Variants in CRPPA observed in about 807,000 individuals in gnomAD.
CRPPA encodes D-ribitol-5-phosphate cytidylyltransferase.
CRPPA carries 43 observed loss-of-function variants against 52.0 expected under a neutral mutation model. The observed-to-expected ratio is 0.83, with a 90% CI of 0.65 to 1.07. CRPPA has a LOEUF of 1.07. Among genes scored for constraint, CRPPA ranks in the 50% least tolerant of loss-of-function variants. CRPPA has a pLI of 0.00. For synonymous variants in CRPPA, 250 were observed against 203.5 expected (o/e 1.23, Z -1.94); for missense variants, 629 against 551.7 (o/e 1.14, Z -1.40).
chr7:16,392,191 C>T (rs1787463269), intron 2 of CRPPA, among the ~76,000 whole-genome samples: 1 of 151,996 alleles, frequency 6.6e-6, no homozygotes, highest in Admixed American at 6.6e-5. Context: ...TGAGGAAAGC[C>T]CCCACATGTC....
intron 3 of CRPPA, among the ~76,000 whole-genome samples, chr7:16,319,367 C>A (rs571311352): frequency 1.3e-5 from 2 of 152,204 alleles, no homozygotes; most frequent in African/African-American, 4.8e-5. Flanking sequence ...CTCTGCCAGT[C>A]ATTCAGCCAT....
At chr7:16,209,003 C>G in intron 9 of CRPPA, 1 of 424,322 alleles carries the variant, frequency 2.4e-6, no homozygotes, top group Non-Finnish European at 4.7e-6. Flanking sequence ...AAGCACCAAC[C>G]CCATGAAGTG....
At chr7:16,328,685 T>C (rs141936448) in intron 3 of CRPPA, among the ~76,000 whole-genome samples, 430 of 152,214 alleles carry the variant, frequency 2.8e-3, no homozygotes, top group Non-Finnish European at 4.6e-3. Context: ...CGGTTAATTT[T>C]TGTATTTTTA....
chr7:16,266,818 A>G (rs1783968242), intron 6 of CRPPA, among the ~76,000 whole-genome samples: 1 of 152,152 alleles, frequency 6.6e-6, no homozygotes, highest in Admixed American at 6.6e-5. Flanking sequence ...GTATCAACAC[A>G]AATTGTAAAG....
At chr7:16,341,076 G>A (rs2128305926) in intron 3 of CRPPA, among the ~76,000 whole-genome samples, 1 of 152,202 alleles carries the variant, frequency 6.6e-6, no homozygotes, top group Admixed American at 6.5e-5. Flanking sequence ...ATCATCAGGG[G>A]TTGTTAGATG....
chr7:16,336,475 A>G (rs78458953), intron 3 of CRPPA, among the ~76,000 whole-genome samples: 3,493 of 152,006 alleles, frequency 0.023, 125 homozygotes, highest in African/African-American at 0.079. Flanking sequence ...AGCCAAACCT[A>G]TATTATAGCT....
chr7:16,399,568 T>C (rs1324423371), intron 2 of CRPPA, among the ~76,000 whole-genome samples: 8 of 150,986 alleles, frequency 5.3e-5, no homozygotes, highest in Non-Finnish European at 7.4e-5. Context: ...CATGACACGT[T>C]TGTGACATGT....
intron 2 of CRPPA, among the ~76,000 whole-genome samples, chr7:16,393,337 C>A (rs994093163): frequency 1.3e-5 from 2 of 152,058 alleles, no homozygotes; most frequent in African/African-American, 4.8e-5. Context: ...CTTGATCTAG[C>A]AGTATGAAAA....
At chr7:16,184,852 G>A (rs779347872) in intron 9 of CRPPA, among the ~76,000 whole-genome samples, 5 of 151,944 alleles carry the variant, frequency 3.3e-5, no homozygotes, top group South Asian at 2.1e-4. Context: ...TCTCATAATC[G>A]TCGTTAGTGA....
intron 9 of CRPPA, among the ~76,000 whole-genome samples, chr7:16,181,231 T>C (rs1490098157): frequency 6.6e-6 from 1 of 152,074 alleles, no homozygotes; most frequent in South Asian, 2.1e-4. Context: ...AATGTAATTA[T>C]TTTAAGAAAA....
At chr7:16,304,737 G>A (rs1196156295) in intron 4 of CRPPA, among the ~76,000 whole-genome samples, 2 of 152,104 alleles carry the variant, frequency 1.3e-5, no homozygotes, top group Non-Finnish European at 2.9e-5. Flanking sequence ...CTAGTACTAC[G>A]TGCAGTCCTC....
intron 5 of CRPPA, among the ~76,000 whole-genome samples, chr7:16,281,685 G>T (rs764854801): frequency 6.6e-6 from 1 of 152,112 alleles, no homozygotes; most frequent in Non-Finnish European, 1.5e-5. Context: ...GTCTTCTTTT[G>T]AGTGGTTTTG....
rs11972129 is a variant in CRPPA at position 16,150,918 on chromosome 7, G to A, written c.1252-59119C>T. Among the ~76,000 whole-genome samples, 822 of 152,212 alleles carry A rather than the reference G, an allele frequency of 5.4e-3. 14 individuals are homozygous for A. Among genetic ancestry groups the A allele is most frequent in the African/African-American group, 0.019 (799 of 41,524 alleles). ...TGATAATAAACCCTCTCTGGCAAAT[G>A]GCATTAATCCATTCATAAGGGTAGC... On this transcript the variant is annotated intron_variant, in intron 9 of 9. Transcript: ENST00000407010.
At chr7:16,120,440 A>G (rs1026744522) in intron 9 of CRPPA, among the ~76,000 whole-genome samples, 1 of 152,200 alleles carries the variant, frequency 6.6e-6, no homozygotes. Context: ...ACTGTAAAAC[A>G]TTAAATCCCA....
intron 4 of CRPPA, among the ~76,000 whole-genome samples, chr7:16,303,744 A>C (rs1039360569): frequency 6.6e-6 from 1 of 152,176 alleles, no homozygotes; most frequent in African/African-American, 2.4e-5. Context: ...GAAGAGAAAC[A>C]ATGTCACCAT....
rs1361421044 is a variant in CRPPA at position 16,222,832 on chromosome 7, T to A, written c.1120-6635A>T. Reference sequence around the variant, plus strand: ...AATTTTTACTGATACATAATACTTCTACATATTTATGGGGTACTGTGATAT... The same window carrying A: ...AATTTTTACTGATACATAATACTTCAACATATTTATGGGGTACTGTGATAT... On this transcript the variant is annotated intron_variant, in intron 8 of 9. Transcript: ENST00000407010. Among the ~76,000 whole-genome samples, 3 of 152,216 alleles carry A rather than the reference T, an allele frequency of 2.0e-5. No individual in the cohort carries two copies. In the East Asian group the frequency reaches 5.8e-4, roughly 29 times the overall value.
chr7:16,332,444 T>C (rs1785574194), intron 3 of CRPPA, among the ~76,000 whole-genome samples: 1 of 152,180 alleles, frequency 6.6e-6, no homozygotes, highest in South Asian at 2.1e-4. Flanking sequence ...ATGTATTTCT[T>C]CTTAAATGTG....
intron 6 of CRPPA, chr7:16,262,216 T>G (rs1034378079): frequency 6.6e-6 from 1 of 152,214 alleles, no homozygotes; most frequent in Non-Finnish European, 1.5e-5. Context: ...TTTATTTTTC[T>G]ACTTGATACA....
chr7:16,191,630 A>T (rs1781612775), intron 9 of CRPPA, among the ~76,000 whole-genome samples: 1 of 152,136 alleles, frequency 6.6e-6, no homozygotes, highest in Non-Finnish European at 1.5e-5. Context: ...TGAATATCAG[A>T]GTACTAGTCT....
Sources: gnomAD v4.1 joint callset for allele counts (sites outside exome capture counted in the v4.1 genomes callset) on GRCh38, gnomAD v4.1.1 for gene constraint, MANE v1.5 for transcripts, NCBI Gene and HGNC (gene_info 2026-07-23, HGNC 2026-07-21) for gene names.